KCNN3: variants seen among roughly 807,000 people sequenced by gnomAD.
The protein encoded by KCNN3 is small conductance calcium-activated potassium channel protein 3.
In KCNN3, 16 loss-of-function variants were observed where a neutral mutation model predicts 62.9. The ratio of observed to expected loss-of-function variants is 0.25; its 90% CI spans 0.17 to 0.39. The LOEUF (loss-of-function observed/expected upper bound fraction) is 0.39, where lower values mean the gene tolerates loss of function less well. Among genes scored for constraint, KCNN3 ranks in the 10% least tolerant of loss-of-function variants. KCNN3 has a pLI of 1.00. For missense variants in KCNN3, 599 were observed against 949.4 expected, an observed-to-expected ratio of 0.63 and a Z score of 4.85; for synonymous variants, 370 against 389.2, an observed-to-expected ratio of 0.95 and a Z score of 0.58.
chr1:154,791,751 T>G (rs1051598217), intron 2 of KCNN3, among the ~76,000 whole-genome samples: 2 of 152,216 alleles, frequency 1.3e-5, no homozygotes, highest in Non-Finnish European at 2.9e-5. Flanking sequence ...TTTTTGACAG[T>G]TGTGCTCCTC....
intron 1 of KCNN3, among the ~76,000 whole-genome samples, chr1:154,848,803 C>T (rs1351744562): frequency 6.6e-6 from 1 of 152,176 alleles, no homozygotes; most frequent in Admixed American, 6.6e-5. Context: ...TTAATATCCG[C>T]GGCAGGCCCT....
intron 2 of KCNN3, among the ~76,000 whole-genome samples, chr1:154,786,329 A>G (rs2101856675): frequency 6.6e-6 from 1 of 152,368 alleles, no homozygotes; most frequent in East Asian, 1.9e-4. Flanking sequence ...CAAGATAGAA[A>G]AAGAAATCAA....
chr1:154,753,565 G>A (rs768528376), intron 3 of KCNN3, among the ~76,000 whole-genome samples: 22 of 152,178 alleles, frequency 1.4e-4, no homozygotes, highest in African/African-American at 2.2e-4. Flanking sequence ...TGCCACAGGC[G>A]ATCGGGGTCC....
chr1:154,726,737 T>C (rs912454643), intron 4 of KCNN3, among the ~76,000 whole-genome samples: 1 of 152,174 alleles, frequency 6.6e-6, no homozygotes, highest in African/African-American at 2.4e-5. Flanking sequence ...GCAGAGATTT[T>C]AAAGACAACA....
At chr1:154,769,136 ACATGTTGCTTCACCCAAATGCCCCTC>A (rs1648434337) in intron 3 of KCNN3, among the ~76,000 whole-genome samples, 1 of 151,728 alleles carries the variant, frequency 6.6e-6, no homozygotes, top group African/African-American at 2.4e-5. Context: ...GTAGTGGATG[ACATGTTGCTTCACCCAAATGCCCCTC>A]CAGGACCCGG....
intron 3 of KCNN3, among the ~76,000 whole-genome samples, chr1:154,758,637 G>A (rs1448421960): frequency 6.6e-6 from 1 of 152,150 alleles, no homozygotes; most frequent in Non-Finnish European, 1.5e-5. Context: ...CTGTGCAGTG[G>A]GGGGCAAGCA....
In KCNN3 at chr1:154,845,415, G is replaced by A. The variant is rs558259498; in HGVS notation, c.934-23231C>T. On this transcript the variant is annotated intron_variant, in intron 1 of 7. Coordinates refer to ENST00000271915, the MANE Select transcript of KCNN3 (RefSeq NM_002249.6). Reference sequence around the variant, plus strand: ...GACAGCCACCATCAGCCAGCTCACCGGCTCCAAATGGAACCAGATGCACCT... The same window carrying A: ...GACAGCCACCATCAGCCAGCTCACCAGCTCCAAATGGAACCAGATGCACCT... 3.9e-5 allele frequency among the ~76,000 whole-genome samples: 6 copies of A among 152,130 alleles called. No homozygotes were observed. The East Asian group carries it at 5.8e-4, about 15-fold the overall frequency.
Position 154,705,334 on chromosome 1 carries a change from C to T in KCNN3, c.*2642G>A, listed in dbSNP as rs1374855625. On this transcript the variant is annotated 3_prime_UTR_variant, in exon 8 of 8. Transcript: ENST00000271915. Reference sequence around the variant, plus strand: ...CCCACATAAAGCTGAAATGCTAGTACAGAGAAATAGCCTTCCATTTGCTAT... The same window carrying T: ...CCCACATAAAGCTGAAATGCTAGTATAGAGAAATAGCCTTCCATTTGCTAT... 6.6e-6 allele frequency: 1 copy of T among 152,214 alleles called. No individual in the cohort carries two copies. The highest frequency in any genetic ancestry group is 1.5e-5 in the Non-Finnish European group (1 of 68,042). 9.4% of individuals were successfully genotyped at this position (152,214 alleles called of 1,614,324 possible).
intron 1 of KCNN3, among the ~76,000 whole-genome samples, chr1:154,844,606 G>A (rs562825885): frequency 2.6e-5 from 4 of 152,318 alleles, no homozygotes; most frequent in Admixed American, 6.5e-5. Context: ...GGTTTGTATC[G>A]CTTTTTTATA....
At position 154,699,716 on chromosome 1, in the gene KCNN3, T is replaced by A. The variant is rs2101744572; in HGVS notation, c.*8260A>T. On this transcript the variant is annotated 3_prime_UTR_variant, in exon 8 of 8. Coordinates refer to ENST00000271915, the MANE Select transcript of KCNN3 (RefSeq NM_002249.6). ...ACTAACTTCTCTTGCTATTTTCCTC[T>A]AGGGGAGGGGAGTTCTTACTGGTGA... 1 of 152,300 alleles carries A rather than the reference T, an allele frequency of 6.6e-6. No homozygotes were observed. Among genetic ancestry groups the A allele is most frequent in the East Asian group, 1.9e-4 (1 of 5,184 alleles). The allele number at this position is 152,300 out of a possible 1,614,324, so 9.4% of individuals were successfully genotyped here. A position where few individuals can be genotyped will look rare whatever the true frequency, so the allele number is the denominator to read the frequency against.
intron 6 of KCNN3, among the ~76,000 whole-genome samples, chr1:154,714,606 GT>G (rs1557938632): frequency 1.4e-4 from 4 of 28,224 alleles, no homozygotes; most frequent in Non-Finnish European, 2.4e-4. Context: ...GTGATGTGTG[GT>G]GTGTGGTGTG....
chr1:154,761,327 GCA>G (rs2101827554), intron 3 of KCNN3, among the ~76,000 whole-genome samples: 1 of 152,312 alleles, frequency 6.6e-6, no homozygotes, highest in Non-Finnish European at 1.5e-5. Context: ...AATTAGCCGG[GCA>G]TGGTGGCGCA....
intron 3 of KCNN3, among the ~76,000 whole-genome samples, chr1:154,768,817 G>A (rs907722400): frequency 6.6e-6 from 1 of 152,118 alleles, no homozygotes; most frequent in South Asian, 2.1e-4. Context: ...AGGCTAGTAT[G>A]ATAACATGGT....
At chr1:154,720,872 C>T (rs536292292) in intron 5 of KCNN3, among the ~76,000 whole-genome samples, 18 of 152,094 alleles carry the variant, frequency 1.2e-4, no homozygotes, top group African/African-American at 4.1e-4. Context: ...CCTGGAGAGG[C>T]GGGCATGCGT....
At chr1:154,851,272 C>T (rs928970184) in intron 1 of KCNN3, among the ~76,000 whole-genome samples, 8 of 152,126 alleles carry the variant, frequency 5.3e-5, no homozygotes, top group Admixed American at 1.3e-4. Flanking sequence ...CCACCGTGCC[C>T]GGCCAAATTT....
At chr1:154,762,547 T>G (rs1272488119) in intron 3 of KCNN3, among the ~76,000 whole-genome samples, 1 of 152,246 alleles carries the variant, frequency 6.6e-6, no homozygotes, top group Non-Finnish European at 1.5e-5. Flanking sequence ...CTGCTTTGTA[T>G]AATAGGGATA....
At chr1:154,858,731 T>C (rs537452554) in intron 1 of KCNN3, among the ~76,000 whole-genome samples, 2 of 149,352 alleles carry the variant, frequency 1.3e-5, no homozygotes, top group South Asian at 2.1e-4. Context: ...GGACAAGTCA[T>C]GTAACTTTTT....
At chr1:154,866,166 C>T (rs561558838) in intron 1 of KCNN3, among the ~76,000 whole-genome samples, 2 of 152,280 alleles carry the variant, frequency 1.3e-5, no homozygotes, top group African/African-American at 4.8e-5. Flanking sequence ...GGTCTCTAGT[C>T]AGACCCAGTC....
chr1:154,819,401 A>T (rs1223528249), intron 2 of KCNN3, among the ~76,000 whole-genome samples: 1 of 152,218 alleles, frequency 6.6e-6, no homozygotes. Context: ...TACTCTGCCG[A>T]GAAGAGTATA....
Sources: allele counts gnomAD v4.1 joint callset (sites outside exome capture counted in the v4.1 genomes callset), GRCh38; gene constraint gnomAD v4.1.1; transcripts MANE v1.5; gene names NCBI Gene and HGNC (gene_info 2026-07-23, HGNC 2026-07-21).